Variants in BMP1 observed in about 807,000 individuals in gnomAD.
BMP1 encodes bone morphogenetic protein 1.
Under a neutral mutation model 116.8 loss-of-function variants are expected in BMP1, and 63 were observed. That is an observed-to-expected ratio of 0.54 (90% confidence interval 0.44 to 0.67). The LOEUF (loss-of-function observed/expected upper bound fraction) is 0.67. BMP1 is among the 30% of genes least tolerant of loss of function. BMP1 has a pLI of 0.00. For synonymous variants in BMP1, 536 were observed against 533.4 expected (o/e 1.00, Z -0.07); for missense variants, 1,183 against 1,358.9 (o/e 0.87, Z 2.04).
At chr8:22,185,949 C>A (rs1828758708) in intron 8 of BMP1, among the ~76,000 whole-genome samples, 1 of 151,316 alleles carries the variant, frequency 6.6e-6, no homozygotes, top group African/African-American at 2.4e-5. Context: ...GATTCTCCTG[C>A]CTCAGCCTCC....
intron 2 of BMP1, among the ~76,000 whole-genome samples, chr8:22,174,328 C>T (rs1828368118): frequency 6.6e-6 from 1 of 152,174 alleles, no homozygotes; most frequent in South Asian, 2.1e-4. Flanking sequence ...TTTATCACAC[C>T]ATATTGAAAG....
In BMP1 at chr8:22,176,354, C is replaced by T. The variant is rs778835009; in HGVS notation, c.433+41C>T. On this transcript the variant is annotated intron_variant, in intron 3 of 19. Transcript: ENST00000306385. Reference sequence around the variant, plus strand: ...TGGGTCCCAGAGTGTAACCAGCTTCCGGGCCTGGCCTTGTGGCAGCCCTGC... The same window carrying T: ...TGGGTCCCAGAGTGTAACCAGCTTCTGGGCCTGGCCTTGTGGCAGCCCTGC... 7 of 1,566,050 alleles carry T rather than the reference C, an allele frequency of 4.5e-6. No homozygotes were observed. The East Asian group carries it at 1.1e-4, about 25-fold the overall frequency.
chr8:22,176,690 C>T (rs1187973239), intron 4 of BMP1, 40 bp downstream of exon 4: 2 of 1,600,672 alleles, frequency 1.2e-6, no homozygotes, highest in South Asian at 2.2e-5. Context: ...TCCGCCATTG[C>T]CCCAACCCAG....
chr8:22,201,619 G>A (rs1829265023), intron 15 of BMP1, 184 bp from the exon 16 acceptor site: 3 of 1,363,086 alleles, frequency 2.2e-6, no homozygotes, highest in Non-Finnish European at 2.9e-6. Flanking sequence ...CCTGCTGGAT[G>A]CAGTGCCCCT....
intron 19 of BMP1, among the ~76,000 whole-genome samples, chr8:22,211,372 A>G (rs1210295423): frequency 6.6e-6 from 1 of 152,218 alleles, no homozygotes; most frequent in Non-Finnish European, 1.5e-5. Context: ...TAGTAGTTAT[A>G]GCAGAGCTGG....
chr8:22,191,629 A>T (rs138490057), intron 8 of BMP1, among the ~76,000 whole-genome samples: 2,073 of 152,260 alleles, frequency 0.014, 70 homozygotes, highest in Non-Finnish European at 0.012. Flanking sequence ...CAAAAAAGTG[A>T]TGATTGGCGA....
intron 8 of BMP1, among the ~76,000 whole-genome samples, chr8:22,188,716 C>T (rs1479957333): frequency 6.6e-6 from 1 of 152,186 alleles, no homozygotes; most frequent in Admixed American, 6.5e-5. Context: ...AGGTTTCTTC[C>T]TCCTGAGCGA....
chr8:22,194,118 T>C lies in BMP1; in HGVS notation c.1241T>C (p.Val414Ala), dbSNP rs757080541. The change falls in exon 10 of 20, where the codon GTT becomes GCT. Residue 414 changes from valine (V) to alanine (A), a missense_variant. Val to Ala is a moderately conservative substitution (Grantham distance 64, BLOSUM62 0). Around this residue, in one of 4 missense-constraint regions of BMP1, gnomAD observed 956 missense variants for 1,135.2 expected, o/e 0.84. Coordinates refer to ENST00000306385, the MANE Select transcript of BMP1 (RefSeq NM_006129.5). The surrounding 1 kb of genome is among the most constrained non-coding windows in gnomAD (Gnocchi z 4.5). ...GTCTCCACTGACAGCCGCCTCTGGG[T>C]TGAATTCCGCAGCAGCAGCAATTGG... ...PIVSTDSRLW[V>A]EFRSSSNWVG... is the part of the protein sequence containing the mutation. 3 of 1,614,122 alleles carry C rather than the reference T, an allele frequency of 1.9e-6. No individual in the cohort carries two copies. In the East Asian group the frequency reaches 6.7e-5, roughly 36 times the overall value.
chr8:22,196,120 T>C (rs570593165), intron 13 of BMP1: 4 of 499,924 alleles, frequency 8.0e-6, no homozygotes, highest in Non-Finnish European at 1.6e-5. Context: ...TCTTGGGGTG[T>C]TTTCGGGTTT....
At chr8:22,195,173 G>T (rs563197356) in intron 12 of BMP1, among the ~76,000 whole-genome samples, 8 of 152,310 alleles carry the variant, frequency 5.3e-5, no homozygotes, top group African/African-American at 1.7e-4. Flanking sequence ...CCTTGGGCAG[G>T]ATATTCTCCC....
intron 8 of BMP1, among the ~76,000 whole-genome samples, chr8:22,185,650 C>T (rs544012933): frequency 7.9e-5 from 12 of 151,736 alleles, no homozygotes; most frequent in African/African-American, 2.7e-4. Flanking sequence ...GAGACTGAGT[C>T]TCACTCTGTC....
intron 8 of BMP1, among the ~76,000 whole-genome samples, chr8:22,187,892 C>T (rs1247493979): frequency 6.6e-6 from 1 of 152,086 alleles, no homozygotes; most frequent in Admixed American, 6.5e-5. Flanking sequence ...CATCATTACC[C>T]TCTTAGAAAT....
chr8:22,190,024 G>A (rs1445592414), intron 8 of BMP1, among the ~76,000 whole-genome samples: 1 of 151,968 alleles, frequency 6.6e-6, no homozygotes, highest in South Asian at 2.1e-4. Flanking sequence ...AGGTTCAAGC[G>A]ATTCTCCTGC....
intron 8 of BMP1, among the ~76,000 whole-genome samples, chr8:22,183,993 C>A (rs1357510416): frequency 2.0e-5 from 3 of 152,224 alleles, no homozygotes; most frequent in African/African-American, 7.2e-5. Flanking sequence ...AATTTAGTAA[C>A]TTCTCCAAAA....
chr8:22,200,362 T>C (rs1829223397), intron 15 of BMP1, among the ~76,000 whole-genome samples: 1 of 152,202 alleles, frequency 6.6e-6, no homozygotes, highest in Non-Finnish European at 1.5e-5. Context: ...TCCATGCGCC[T>C]GTGTGTGCAG....
chr8:22,167,406 C>G (rs1022830010), intron 1 of BMP1, among the ~76,000 whole-genome samples: 1 of 152,148 alleles, frequency 6.6e-6, no homozygotes, highest in African/African-American at 2.4e-5. Flanking sequence ...GTTTCCTGCC[C>G]CTCTGCAGCC....
At chr8:22,183,459 C>T (rs561362888) in intron 8 of BMP1, among the ~76,000 whole-genome samples, 1 of 152,244 alleles carries the variant, frequency 6.6e-6, no homozygotes, top group Admixed American at 6.5e-5. Context: ...CTGTTTTCTA[C>T]CAGCTATGCC....
At chr8:22,191,301 G>C (rs1238382127) in intron 8 of BMP1, among the ~76,000 whole-genome samples, 1 of 152,194 alleles carries the variant, frequency 6.6e-6, no homozygotes, top group Non-Finnish European at 1.5e-5. Flanking sequence ...TCACACCCAG[G>C]CTGTTGTGAC....
At position 22,194,717 on chromosome 8, in the gene BMP1, C is replaced by T; in HGVS notation, c.1444-7C>T. The T allele has an allele frequency of 6.2e-7, 1 of 1,601,224 alleles. No homozygotes were observed. Among genetic ancestry groups the T allele is most frequent in the Non-Finnish European group, 8.5e-7 (1 of 1,172,772 alleles). On this transcript the variant is annotated splice_polypyrimidine_tract_variant and splice_region_variant and intron_variant, in intron 11 of 19. Coordinates refer to ENST00000306385, the MANE Select transcript of BMP1 (RefSeq NM_006129.5). This position sits in a 1 kb window ranked among gnomAD's most constrained non-coding sequence, Gnocchi z 4.5. ...GCCCCTTCCACTGATGAAGCCTCGA[C>T]CCCTAGATTGAGCGCCACGACAGCT...
Sources: gnomAD v4.1 joint callset for allele counts (sites outside exome capture counted in the v4.1 genomes callset) on GRCh38, gnomAD v4.1.1 for gene constraint, gnomAD v4.1.1 regional missense constraint, Gnocchi (gnomAD v3.1) non-coding constraint, MANE v1.5 for transcripts, NCBI Gene and HGNC (gene_info 2026-07-23, HGNC 2026-07-21) for gene names.